The following IGFN1 variants were observed in gnomAD, a reference collection of about 807,000 sequenced individuals.
The protein encoded by IGFN1 is immunoglobulin like and fibronectin type III domain containing 1.
In IGFN1, 253 loss-of-function variants were observed where a neutral mutation model predicts 289.5. That is an observed-to-expected ratio of 0.87 (90% CI 0.79 to 0.97). The LOEUF (loss-of-function observed/expected upper bound fraction) is 0.97, where lower values mean the gene tolerates loss of function less well. Among genes scored for constraint, IGFN1 ranks in the 50% least tolerant of loss-of-function variants. The pLI is 0.00. For missense variants in IGFN1, 4,470 were observed against 4,686.1 expected, an observed-to-expected ratio of 0.95 and a Z score of 1.35; for synonymous variants, 1,706 against 1,788.5, an observed-to-expected ratio of 0.95 and a Z score of 1.16.
chr1:201,216,777 G>A, intron 16 of IGFN1, 24 bp downstream of exon 16: 1 of 1,567,308 alleles, frequency 6.4e-7, no homozygotes, highest in South Asian at 1.2e-5. Context: ...CTGGGGCTGG[G>A]GGTGGGGGAC....
rs1237545257 is a variant in IGFN1, at chr1:201,215,761, A to G, written c.9218A>G (p.Lys3073Arg). ...TRLCLPSAGR[K>R]DCGQYSVTLR... is the part of the protein sequence containing the mutation. ...CTGTGCCTCCCCAGCGCAGGCAGGA[A>G]GGACTGTGGCCAGTACAGCGTGACA... The change falls in exon 15 of 24, where the codon AAG becomes AGG. Residue 3073 changes from lysine to arginine, a missense_variant. Lys to Arg is a conservative substitution (Grantham distance 26). Transcript: ENST00000335211. 1.2e-6 allele frequency: 2 copies of G among 1,607,820 alleles called. No individual in the cohort carries two copies. Among genetic ancestry groups the G allele is most frequent in the African/African-American group, 2.7e-5 (2 of 74,864 alleles).
chr1:201,214,918 A>G, intron 13 of IGFN1, 95 bp from the exon 14 acceptor site: 1 of 1,268,424 alleles, frequency 7.9e-7, no homozygotes, highest in South Asian at 1.4e-5. Context: ...AGCTGTTATC[A>G]GGATCCCAGC....
At chr1:201,216,207 G>A in intron 15 of IGFN1, 1 of 601,726 alleles carries the variant, frequency 1.7e-6, no homozygotes. Flanking sequence ...GCCGGGAGGG[G>A]CTGGTGCATT....
Position 201,217,324 on chromosome 1 carries a change from G to C in IGFN1, c.9633G>C (p.Ser3211=). Residue 3211 remains serine, a synonymous_variant, in exon 17 of 24, where the codon TCG becomes TCC. Transcript: ENST00000335211. ...CCCCTTCCGCGCCAGCCATCCTGTC[G>C]GCCTCCAGCCAGGGCATCACACTGA... ...PKAPSAPAIL[S]ASSQGITLTW... The C allele has an allele frequency of 6.2e-7, 1 of 1,614,052 alleles. No homozygotes were observed. Among genetic ancestry groups the C allele is most frequent in the Non-Finnish European group, 8.5e-7 (1 of 1,179,992 alleles).
At position 201,211,934 on chromosome 1, in the gene IGFN1, T is replaced by C; in HGVS notation, c.7041T>C (p.Ser2347=). 2 of 1,527,442 alleles carry C rather than the reference T, an allele frequency of 1.3e-6. No individual in the cohort carries two copies. Among genetic ancestry groups the C allele is most frequent in the African/African-American group, 2.7e-5 (2 of 72,788 alleles). The allele number at this position is 1,527,442 out of a possible 1,614,324, so 94.6% of individuals were successfully genotyped here. A position where few individuals can be genotyped will look rare whatever the true frequency, so the allele number is the denominator to read the frequency against. The change falls in exon 12 of 24, where the codon TCT becomes TCC. Residue 2347 remains serine, a synonymous_variant. Transcript: ENST00000335211. ...GTTATAGAGGAGGCTCAGGAGGATC[T>C]GGGGAAACGGGACCAGAGGGTAAGA... ...EVSYRGGSGG[S]GETGPEGKMG...
intron 7 of IGFN1, 109 bp from the exon 8 acceptor site, chr1:201,200,128 C>T (rs1376436661): frequency 2.0e-5 from 17 of 839,004 alleles, no homozygotes; most frequent in South Asian, 1.4e-4. Context: ...TGCGTTTCCT[C>T]GAGTGCAGAT....
chr1:201,218,870 G>A (rs1446096491), intron 18 of IGFN1, among the ~76,000 whole-genome samples: 2 of 152,100 alleles, frequency 1.3e-5, no homozygotes, highest in Non-Finnish European at 2.9e-5. Context: ...AAGCCAGGCA[G>A]TGGGATTAGA....
Position 201,211,464 on chromosome 1 carries a change from G to T in IGFN1, c.6571G>T (p.Gly2191Trp), listed in dbSNP as rs1208323182. Residue 2191 changes from glycine to tryptophan, a missense_variant, in exon 12 of 24, where the codon GGG becomes TGG. Around this residue, in one of 8 missense-constraint regions of IGFN1, gnomAD observed 2,218 missense variants for 2,114.1 expected, o/e 1.05. Coordinates refer to ENST00000335211, the MANE Select transcript of IGFN1 (RefSeq NM_001164586.2). ...DLGAPEGMGS[G>W]SKAGFRDGLG... ...GGGAGCTCCTGAGGGAATGGGTTCA[G>T]GGAGTAAGGCAGGTTTCAGGGATGG... 3 of 1,500,918 alleles carry T rather than the reference G, an allele frequency of 2.0e-6. No homozygotes were observed. Among genetic ancestry groups the T allele is most frequent in the Non-Finnish European group, 2.7e-6 (3 of 1,125,590 alleles). 93.0% of individuals were successfully genotyped at this position (1,500,918 alleles called of 1,614,324 possible).
intron 9 of IGFN1, among the ~76,000 whole-genome samples, chr1:201,202,722 TCCC>T (rs1415750799): frequency 0.016 from 1,337 of 81,650 alleles, 19 homozygotes; most frequent in Non-Finnish European, 0.022. Flanking sequence ...TCTTCCTCCC[TCCC>T]TCCCTCCCTC....
Position 201,207,599 on chromosome 1 carries a change from G to T in IGFN1, c.2706G>T (p.Gly902=). 3.3e-6 allele frequency: 5 copies of T among 1,537,022 alleles called. No individual in the cohort carries two copies. Among genetic ancestry groups the T allele is most frequent in the Admixed American group, 2.0e-5 (1 of 50,992 alleles). The change falls in exon 12 of 24, where the codon GGG becomes GGT. Residue 902 remains glycine, a synonymous_variant. Transcript: ENST00000335211. ...RAPGLGAQGS[G]GTLGDKKGLR... The stretch of plus-strand genomic sequence containing the variant: ...CAGGCCTGGGTGCTCAGGGATCTGG[G>T]GGGACACTAGGAGATAAGAAAGGAT...
chr1:201,196,080 CT>C, intron 4 of IGFN1, 102 bp downstream of exon 4: 1 of 1,188,616 alleles, frequency 8.4e-7, no homozygotes, highest in East Asian at 2.6e-5. Flanking sequence ...GTAAGACATA[CT>C]CCTCGTTGAG....
chr1:201,190,984 C>T (rs1352183137), intron 1 of IGFN1, 77 bp downstream of exon 1: 3 of 152,296 alleles, frequency 2.0e-5, no homozygotes, highest in Non-Finnish European at 4.4e-5. Context: ...TGCTGTCCAG[C>T]TTTTCTACGC....
At position 201,208,645 on chromosome 1, in the gene IGFN1, G is replaced by C. The variant is rs1667553682; in HGVS notation, c.3752G>C (p.Gly1251Ala). ...PRSTGPGGEAGFRDGSGGLQG... is the reference protein window; with the variant it reads ...PRSTGPGGEAAFRDGSGGLQG... Reference sequence around the variant, plus strand: ...AGTACAGGGCCAGGGGGTGAGGCAGGCTTTAGAGATGGTTCAGGAGGCCTC... The same window carrying C: ...AGTACAGGGCCAGGGGGTGAGGCAGCCTTTAGAGATGGTTCAGGAGGCCTC... Residue 1251 changes from glycine to alanine, a missense_variant, in exon 12 of 24, where the codon GGC becomes GCC. Around this residue, in one of 8 missense-constraint regions of IGFN1, gnomAD observed 2,011 missense variants for 1,953.4 expected, o/e 1.03. Coordinates refer to ENST00000335211, the MANE Select transcript of IGFN1 (RefSeq NM_001164586.2). 3 of 1,534,326 alleles carry C rather than the reference G, an allele frequency of 2.0e-6. No homozygotes were observed. Among genetic ancestry groups the C allele is most frequent in the Non-Finnish European group, 2.6e-6 (3 of 1,145,634 alleles).
intron 5 of IGFN1, among the ~76,000 whole-genome samples, chr1:201,199,062 C>T (rs895892650): frequency 1.3e-5 from 2 of 152,162 alleles, no homozygotes; most frequent in Non-Finnish European, 2.9e-5. Context: ...CCTCCCTGGC[C>T]CCTGCGGACA....
chr1:201,223,403 C>T (rs1194781437), intron 20 of IGFN1, among the ~76,000 whole-genome samples: 1 of 146,810 alleles, frequency 6.8e-6, no homozygotes, highest in Non-Finnish European at 1.5e-5. Context: ...TGGAGTCTCA[C>T]TCTGTCACCC....
Position 201,200,301 on chromosome 1 carries a change from G to T in IGFN1, c.523G>T (p.Asp175Tyr). Residue 175 changes from aspartate (D) to tyrosine (Y), a missense_variant, in exon 8 of 24, where the codon GAC becomes TAC. This residue lies in a region of IGFN1 where 2,011 missense variants were observed against 1,953.4 expected (regional missense o/e 1.03). Transcript: ENST00000335211. ...GATATGGCAGCTGCTGATGACAGCA[G>T]ACAGGAAGGACTACGAGAAGATCTG... ...EQIWQLLMTADRKDYEKICLK... is the reference protein window; with the variant it reads ...EQIWQLLMTAYRKDYEKICLK... 1.3e-6 allele frequency: 2 copies of T among 1,551,722 alleles called. No homozygotes were observed. The highest frequency in any genetic ancestry group is 1.7e-6 in the Non-Finnish European group (2 of 1,146,984).
At position 201,217,359 on chromosome 1, in the gene IGFN1, C is replaced by A; in HGVS notation, c.9668C>A (p.Ala3223Glu). The A allele has an allele frequency of 6.2e-7, 1 of 1,614,198 alleles. No homozygotes were observed. Among genetic ancestry groups the A allele is most frequent in the Non-Finnish European group, 8.5e-7 (1 of 1,180,028 alleles). ...CAGGGCATCACACTGACATGGACAG[C>A]ACCTCGGGGCCCCGGCAGCGCCCAC... ...SSQGITLTWT[A>E]PRGPGSAHIL... The change falls in exon 17 of 24, where the codon GCA becomes GAA. Residue 3223 changes from alanine to glutamate, a missense_variant. Ala to Glu is a moderately radical substitution (Grantham distance 107). Coordinates refer to ENST00000335211, the MANE Select transcript of IGFN1 (RefSeq NM_001164586.2).
rs1667791043 is a variant in IGFN1 at position 201,211,458 on chromosome 1, G to A, written c.6565G>A (p.Gly2189Ser). ...RKDLGAPEGM[G>S]SGSKAGFRDG... is the part of the protein sequence containing the mutation. ...GGATTTGGGAGCTCCTGAGGGAATG[G>A]GTTCAGGGAGTAAGGCAGGTTTCAG... Residue 2189 changes from glycine to serine, a missense_variant, in exon 12 of 24, where the codon GGT becomes AGT. Around this residue, in one of 8 missense-constraint regions of IGFN1, gnomAD observed 2,218 missense variants for 2,114.1 expected, o/e 1.05. Coordinates refer to ENST00000335211, the MANE Select transcript of IGFN1 (RefSeq NM_001164586.2). 5 of 1,500,736 alleles carry A rather than the reference G, an allele frequency of 3.3e-6. No individual in the cohort carries two copies. Among genetic ancestry groups the A allele is most frequent in the Non-Finnish European group, 4.4e-6 (5 of 1,125,532 alleles). The allele number at this position is 1,500,736 out of a possible 1,614,324, so 93.0% of individuals were successfully genotyped here.
At chr1:201,217,692 ACCTCCTCCTCT>A (rs1653418198) in intron 17 of IGFN1, among the ~76,000 whole-genome samples, 1 of 151,990 alleles carries the variant, frequency 6.6e-6, no homozygotes, top group Non-Finnish European at 1.5e-5. Context: ...GACAGAGCCC[ACCTCCTCCTCT>A]ACAGGACAGA....
Sources: allele counts gnomAD v4.1 joint callset (sites outside exome capture counted in the v4.1 genomes callset), GRCh38; gene constraint gnomAD v4.1.1; regional missense constraint gnomAD v4.1.1; transcripts MANE v1.5; gene names NCBI Gene and HGNC (gene_info 2026-07-23, HGNC 2026-07-21).